The following AGMO variants were observed in gnomAD, a reference collection of about 807,000 sequenced individuals.
The protein encoded by AGMO is glyceryl-ether monooxygenase.
Under a neutral mutation model 60.2 loss-of-function variants are expected in AGMO, and 75 were observed. The ratio of observed to expected loss-of-function variants is 1.25; its 90% CI spans 1.03 to 1.51. The LOEUF is 1.51. Ranked by LOEUF, AGMO falls within the 40% of genes most tolerant of loss-of-function variation. The pLI, the probability that AGMO is intolerant of heterozygous loss-of-function variation, is 0.00. For synonymous variants in AGMO, 261 were observed against 177.1 expected (o/e 1.47, Z -3.76); for missense variants, 763 against 525.5 (o/e 1.45, Z -4.42).
intron 3 of AGMO, among the ~76,000 whole-genome samples, chr7:15,467,922 C>T (rs1782337306): frequency 1.3e-5 from 2 of 152,006 alleles, no homozygotes; most frequent in East Asian, 3.9e-4. Flanking sequence ...CCCCTGGATC[C>T]CCGTACCCTC....
intron 3 of AGMO, among the ~76,000 whole-genome samples, chr7:15,516,354 A>G (rs1031996355): frequency 2.0e-5 from 3 of 152,218 alleles, no homozygotes; most frequent in Non-Finnish European, 4.4e-5. Context: ...AAATGAATTC[A>G]TCACAAATGT....
chr7:15,277,171 G>A (rs1783821840), intron 12 of AGMO, among the ~76,000 whole-genome samples: 1 of 151,968 alleles, frequency 6.6e-6, no homozygotes, highest in Admixed American at 6.6e-5. Context: ...AGGTGGGCAT[G>A]GTGGTGGGTG....
At chr7:15,258,850 G>A (rs996552991) in intron 12 of AGMO, among the ~76,000 whole-genome samples, 3 of 152,114 alleles carry the variant, frequency 2.0e-5, no homozygotes, top group Non-Finnish European at 4.4e-5. Context: ...TGGCTCTCAG[G>A]AAGCCTATTC....
At chr7:15,298,094 A>T (rs183483306) in intron 12 of AGMO, among the ~76,000 whole-genome samples, 5 of 150,570 alleles carry the variant, frequency 3.3e-5, no homozygotes, top group African/African-American at 7.3e-5. Flanking sequence ...ATAAACAAAC[A>T]TATTATGTTA....
chr7:15,524,986 C>T (rs184619819), intron 3 of AGMO, among the ~76,000 whole-genome samples: 1 of 151,854 alleles, frequency 6.6e-6, no homozygotes, highest in African/African-American at 2.4e-5. Flanking sequence ...AAAATAAATC[C>T]TAACCCCCAC....
In AGMO at chr7:15,548,267, C is replaced by T. The variant is rs531370842; in HGVS notation, c.258-3344G>A. 7.2e-5 allele frequency among the ~76,000 whole-genome samples: 11 copies of T among 152,242 alleles called. No individual in the cohort carries two copies. The South Asian group carries it at 1.0e-3, about 14-fold the overall frequency. ...TCTAAAACGCAGAGCACCTCTCCTC[C>T]TCCAAAGGAACGCAGTTCCTCACCA... is the stretch of plus-strand genomic sequence containing the variant. On this transcript the variant is annotated intron_variant, in intron 2 of 12. Coordinates refer to ENST00000342526, the MANE Select transcript of AGMO (RefSeq NM_001004320.2).
chr7:15,118,334 A>G, the AGMO span, among the ~76,000 whole-genome samples: 1 of 152,046 alleles, frequency 6.6e-6, no homozygotes, highest in South Asian at 2.1e-4. Context: ...AACATGCAGA[A>G]GGATCTTTTA....
At chr7:15,532,336 T>G (rs909087549) in intron 3 of AGMO, among the ~76,000 whole-genome samples, 2 of 152,218 alleles carry the variant, frequency 1.3e-5, no homozygotes, top group Admixed American at 6.6e-5. Context: ...CCATAGGCTC[T>G]GAGATTAACG....
At chr7:15,421,815 A>G (rs1220563109) in intron 4 of AGMO, among the ~76,000 whole-genome samples, 1 of 152,166 alleles carries the variant, frequency 6.6e-6, no homozygotes, top group Non-Finnish European at 1.5e-5. Flanking sequence ...GAACTTGTTG[A>G]TATGGGTGTC....
chr7:15,192,762 C>G, the AGMO span, among the ~76,000 whole-genome samples: 1 of 152,146 alleles, frequency 6.6e-6, no homozygotes, highest in Admixed American at 6.6e-5. Context: ...GCTCCTGCAC[C>G]TGTCCATTTG....
At chr7:15,364,063 A>G (rs969717699) in intron 12 of AGMO, among the ~76,000 whole-genome samples, 18 of 152,038 alleles carry the variant, frequency 1.2e-4, no homozygotes, top group Non-Finnish European at 2.9e-5. Context: ...GAATATATTA[A>G]ATTAGATGAT....
At chr7:15,467,103 A>T in intron 3 of AGMO, among the ~76,000 whole-genome samples, 1 of 152,160 alleles carries the variant, frequency 6.6e-6, no homozygotes, top group Non-Finnish European at 1.5e-5. Context: ...AATATATAAC[A>T]AAGAGTGAAA....
At chr7:15,128,901 G>A in the AGMO span, among the ~76,000 whole-genome samples, 7 of 152,172 alleles carry the variant, frequency 4.6e-5, no homozygotes, top group African/African-American at 1.7e-4. Context: ...TAGGGAGTCA[G>A]CCAATGTCGC....
chr7:15,486,764 C>T (rs192063989), intron 3 of AGMO, among the ~76,000 whole-genome samples: 29 of 152,190 alleles, frequency 1.9e-4, no homozygotes, highest in African/African-American at 5.8e-4. Flanking sequence ...AGAAATATCA[C>T]GGTAATTTTG....
At chr7:15,217,139 C>G (rs147544267) in intron 12 of AGMO, among the ~76,000 whole-genome samples, 54 of 152,032 alleles carry the variant, frequency 3.6e-4, no homozygotes, top group African/African-American at 1.3e-3. Flanking sequence ...TGAAATGTGA[C>G]CTTGAATCTA....
At chr7:15,323,890 G>A (rs1043756904) in intron 12 of AGMO, among the ~76,000 whole-genome samples, 6 of 152,196 alleles carry the variant, frequency 3.9e-5, no homozygotes, top group African/African-American at 9.7e-5. Context: ...TTAACTGCAA[G>A]CAAGGGTTTG....
At chr7:15,185,120 G>A in the AGMO span, among the ~76,000 whole-genome samples, 1 of 152,000 alleles carries the variant, frequency 6.6e-6, no homozygotes, top group Non-Finnish European at 1.5e-5. Context: ...AAAATTTAGG[G>A]AAGTTTTTTT....
At chr7:15,329,515 G>T (rs1260107847) in intron 12 of AGMO, among the ~76,000 whole-genome samples, 3 of 152,140 alleles carry the variant, frequency 2.0e-5, no homozygotes, top group Non-Finnish European at 4.4e-5. Flanking sequence ...GAAAACATTT[G>T]TTTTTAAAAT....
At chr7:15,378,522 C>A (rs1356970076) in intron 10 of AGMO, among the ~76,000 whole-genome samples, 3 of 151,864 alleles carry the variant, frequency 2.0e-5, no homozygotes, top group Admixed American at 6.6e-5. Flanking sequence ...ATGCACCCAA[C>A]ACAGGAGCAC....
Sources: gnomAD v4.1 joint callset for allele counts (sites outside exome capture counted in the v4.1 genomes callset) on GRCh38, gnomAD v4.1.1 for gene constraint, MANE v1.5 for transcripts, NCBI Gene and HGNC (gene_info 2026-07-23, HGNC 2026-07-21) for gene names.